Variants in PPP2R2C observed in about 807,000 individuals in gnomAD.
PPP2R2C encodes protein phosphatase 2 regulatory subunit Bgamma.
A neutral mutation model predicts 45.3 loss-of-function variants in PPP2R2C; 10 were observed. The observed-to-expected ratio is 0.22, with a 90% CI of 0.14 to 0.37. The LOEUF is 0.37. Ranked by LOEUF, PPP2R2C falls within the 10% of genes least tolerant of loss-of-function variation. PPP2R2C has a pLI of 1.00. For missense variants in PPP2R2C, 308 were observed against 619.7 expected (o/e 0.50, Z 5.34); for synonymous variants, 257 against 245.4 (o/e 1.05, Z -0.44).
chr4:6,413,841 G>A, intron 1 of PPP2R2C: 2 of 1,532,610 alleles, frequency 1.3e-6, no homozygotes, highest in Non-Finnish European at 1.7e-6. Context: ...CCCACTCAGG[G>A]CTGGCCAGCT....
intron 1 of PPP2R2C, among the ~76,000 whole-genome samples, chr4:6,392,077 G>A (rs556655135): frequency 6.6e-6 from 1 of 152,332 alleles, no homozygotes; most frequent in Non-Finnish European, 1.5e-5. Context: ...TTGTTTAACA[G>A]GTACAGAGTC....
intron 1 of PPP2R2C, among the ~76,000 whole-genome samples, chr4:6,562,898 T>G (rs550980408): frequency 6.7e-6 from 1 of 149,648 alleles, no homozygotes; most frequent in South Asian, 2.1e-4. Flanking sequence ...CGAGAGCAGC[T>G]GTCCATCCCA....
chr4:6,549,377 C>A (rs1232126496), intron 1 of PPP2R2C, among the ~76,000 whole-genome samples: 4 of 152,112 alleles, frequency 2.6e-5, no homozygotes, highest in Admixed American at 2.6e-4. Context: ...CAGTGACAGA[C>A]AACTCCAGAT....
intron 6 of PPP2R2C, 51 bp from the exon 7 acceptor site, chr4:6,333,782 G>A (rs979376684): frequency 6.9e-6 from 11 of 1,602,406 alleles, no homozygotes; most frequent in East Asian, 2.2e-5. Context: ...CCGCCCATGG[G>A]GTTGGCACGA....
chr4:6,424,024 T>C, intron 1 of PPP2R2C, among the ~76,000 whole-genome samples: 1 of 152,254 alleles, frequency 6.6e-6, no homozygotes, highest in East Asian at 1.9e-4. Flanking sequence ...CCATGCATTC[T>C]GCCAGGGTCC....
chr4:6,362,624 G>A (rs550079683), intron 5 of PPP2R2C, among the ~76,000 whole-genome samples: 12 of 152,220 alleles, frequency 7.9e-5, no homozygotes, highest in Non-Finnish European at 1.8e-4. Flanking sequence ...GAGGGGCCTT[G>A]GGCAAGGGAG....
intron 1 of PPP2R2C, among the ~76,000 whole-genome samples, chr4:6,459,098 A>T (rs2108755191): frequency 6.6e-6 from 1 of 152,330 alleles, no homozygotes; most frequent in East Asian, 1.9e-4. Flanking sequence ...CTTCAAGCAG[A>T]AACCATTTAT....
At chr4:6,513,780 G>A (rs868857384) in intron 2 of PPP2R2C, among the ~76,000 whole-genome samples, 5 of 152,170 alleles carry the variant, frequency 3.3e-5, no homozygotes, top group African/African-American at 7.2e-5. Context: ...AAGGGGTGGT[G>A]GGCAGGCCAG....
In PPP2R2C at chr4:6,444,898, C is replaced by T. The variant is rs142105675; in HGVS notation, c.70+27262G>A. 6.7e-3 allele frequency among the ~76,000 whole-genome samples: 1,016 copies of T among 152,340 alleles called. 4 individuals are homozygous for T. The highest frequency in any genetic ancestry group is 0.01 in the Middle Eastern group (3 of 294). On this transcript the variant is annotated intron_variant, in intron 1 of 8. Coordinates refer to ENST00000382599, the MANE Select transcript of PPP2R2C (RefSeq NM_020416.4). Reference sequence around the variant, plus strand: ...CATGGCCCAGTGCATCCAAAAACCTCTCCAGCCTGGGCACAGTGGCTCACG... The same window carrying T: ...CATGGCCCAGTGCATCCAAAAACCTTTCCAGCCTGGGCACAGTGGCTCACG...
chr4:6,462,347 C>T (rs1721370886), intron 1 of PPP2R2C, among the ~76,000 whole-genome samples: 2 of 152,172 alleles, frequency 1.3e-5, no homozygotes, highest in African/African-American at 4.8e-5. Flanking sequence ...TGGTGGTGGG[C>T]ACCTGTATGT....
chr4:6,528,083 C>T (rs1010195066), intron 2 of PPP2R2C, among the ~76,000 whole-genome samples: 7 of 152,232 alleles, frequency 4.6e-5, no homozygotes, highest in Admixed American at 2.6e-4. Context: ...CTTCTGAGTT[C>T]GGGGCCCTGT....
chr4:6,537,837 A>G (rs1724682328), intron 1 of PPP2R2C, among the ~76,000 whole-genome samples: 1 of 152,184 alleles, frequency 6.6e-6, no homozygotes, highest in South Asian at 2.1e-4. Context: ...GGTGTGAGCC[A>G]CCACGCCCGG....
At position 6,333,816 on chromosome 4, in the gene PPP2R2C, G is replaced by C. The variant is rs1732618802; in HGVS notation, c.791-85C>G. 5 of 1,428,092 alleles carry C rather than the reference G, an allele frequency of 3.5e-6. No homozygotes were observed. In the East Asian group the frequency reaches 1.1e-4, roughly 33 times the overall value. The allele number at this position is 1,428,092 out of a possible 1,614,324, so 88.5% of individuals were successfully genotyped here. A position where few individuals can be genotyped will look rare whatever the true frequency, so the allele number is the denominator to read the frequency against. On this transcript the variant is annotated intron_variant, in intron 6 of 8. Coordinates refer to ENST00000382599, the MANE Select transcript of PPP2R2C (RefSeq NM_020416.4). Reference sequence around the variant, plus strand: ...GACGGATGACTCTGTTTTGCACCTGGGCCCATGCTCTGTTTATTCAGTCAT... The same window carrying C: ...GACGGATGACTCTGTTTTGCACCTGCGCCCATGCTCTGTTTATTCAGTCAT...
At chr4:6,383,242 C>A in intron 1 of PPP2R2C, 5 of 1,201,910 alleles carry the variant, frequency 4.2e-6, no homozygotes, top group Non-Finnish European at 5.3e-6. Context: ...AGAACCCCCC[C>A]AACCCCCGGC....
Position 6,562,994 on chromosome 4 carries a change from G to A in PPP2R2C, c.-59+566C>T, listed in dbSNP as rs569887037. Among the ~76,000 whole-genome samples, 912 of 148,696 alleles carry A rather than the reference G, an allele frequency of 6.1e-3. 7 individuals are homozygous for A. The highest frequency in any genetic ancestry group is 0.026 in the South Asian group (124 of 4,740). On this transcript the variant is annotated intron_variant, in intron 1 of 9. Transcript: ENST00000506140. The stretch of plus-strand genomic sequence containing the variant: ...AAAAAAAAAAGGCTTCTCCAAACCA[G>A]AGCAGCAGCCGGGCCTGACTCAGCA...
At chr4:6,367,767 G>A (rs190099190) in intron 5 of PPP2R2C, among the ~76,000 whole-genome samples, 78 of 152,302 alleles carry the variant, frequency 5.1e-4, no homozygotes, top group Middle Eastern at 6.8e-3. Context: ...GCACCCCATG[G>A]GGAGCCAAGC....
intron 5 of PPP2R2C, among the ~76,000 whole-genome samples, chr4:6,361,964 C>T (rs776924122): frequency 2.0e-5 from 3 of 152,022 alleles, no homozygotes; most frequent in Non-Finnish European, 4.4e-5. Flanking sequence ...AAGGGCCCTC[C>T]GAAGCCCATG....
intron 2 of PPP2R2C, among the ~76,000 whole-genome samples, chr4:6,511,005 A>AAAAAAAAG (rs1360722985): frequency 6.6e-6 from 1 of 150,440 alleles, no homozygotes; most frequent in African/African-American, 2.5e-5. Context: ...AAACAAAAAA[A>AAAAAAAAG]AAAACAGAAA....
At chr4:6,508,834 C>T (rs148445807) in intron 2 of PPP2R2C, among the ~76,000 whole-genome samples, 1 of 152,284 alleles carries the variant, frequency 6.6e-6, no homozygotes, top group Non-Finnish European at 1.5e-5. Context: ...CAGGCCACTG[C>T]GCATATGGAC....
Sources: allele counts gnomAD v4.1 joint callset (sites outside exome capture counted in the v4.1 genomes callset), GRCh38; gene constraint gnomAD v4.1.1; transcripts MANE v1.5; gene names NCBI Gene and HGNC (gene_info 2026-07-23, HGNC 2026-07-21).